The following LSAMP variants were observed in gnomAD, a reference collection of about 807,000 sequenced individuals.
LSAMP encodes the protein limbic system associated membrane protein, also known as limbic system-associated membrane protein.
A neutral mutation model predicts 38.6 loss-of-function variants in LSAMP; 7 were observed. The observed-to-expected ratio is 0.18, with a 90% CI of 0.10 to 0.34. The LOEUF is 0.34. Ranked by LOEUF, LSAMP falls within the 10% of genes least tolerant of loss-of-function variation. The pLI, the probability that LSAMP is intolerant of heterozygous loss-of-function variation, is 1.00. For synonymous variants in LSAMP, 154 were observed against 166.8 expected (o/e 0.92, Z 0.59); for missense variants, 313 against 420.0 (o/e 0.75, Z 2.23).
chr3:116,325,966 A>G (rs1262895428), intron 1 of LSAMP, among the ~76,000 whole-genome samples: 1 of 152,134 alleles, frequency 6.6e-6, no homozygotes, highest in Non-Finnish European at 1.5e-5. Context: ...TTTTTTCCCC[A>G]TGGTTCTCTT....
intron 1 of LSAMP, among the ~76,000 whole-genome samples, chr3:116,168,873 A>G (rs1164071342): frequency 6.6e-6 from 1 of 152,098 alleles, no homozygotes; most frequent in Non-Finnish European, 1.5e-5. Flanking sequence ...CTATCTTACC[A>G]TTGTCCTTTT....
intron 3 of LSAMP, among the ~76,000 whole-genome samples, chr3:115,981,997 C>T (rs1247320305): frequency 6.6e-6 from 1 of 152,184 alleles, no homozygotes; most frequent in Non-Finnish European, 1.5e-5. Context: ...AAAGTGCACC[C>T]ATCTTAATCT....
At chr3:116,180,653 T>G (rs964636025) in intron 1 of LSAMP, among the ~76,000 whole-genome samples, 2 of 152,166 alleles carry the variant, frequency 1.3e-5, no homozygotes, top group African/African-American at 4.8e-5. Context: ...ACCAATAGTT[T>G]TATAGGCTAA....
chr3:115,947,213 A>G (rs1384926525), intron 3 of LSAMP, among the ~76,000 whole-genome samples: 3 of 152,186 alleles, frequency 2.0e-5, no homozygotes, highest in African/African-American at 7.2e-5. Flanking sequence ...TGAAGTATTG[A>G]AAGTTTTCCC....
intron 2 of LSAMP, among the ~76,000 whole-genome samples, chr3:116,042,698 G>C (rs1941202150): frequency 6.6e-6 from 1 of 152,154 alleles, no homozygotes; most frequent in South Asian, 2.1e-4. Flanking sequence ...AAAGTGCTGG[G>C]ATTACAGGTG....
At chr3:116,176,772 A>G (rs1287005736) in intron 1 of LSAMP, among the ~76,000 whole-genome samples, 1 of 152,176 alleles carries the variant, frequency 6.6e-6, no homozygotes, top group South Asian at 2.1e-4. Flanking sequence ...TGTGATTATC[A>G]TATCAATAGG....
intron 1 of LSAMP, among the ~76,000 whole-genome samples, chr3:116,295,000 T>TA (rs777853092): frequency 6.6e-4 from 100 of 152,208 alleles, no homozygotes; most frequent in Middle Eastern, 3.4e-3. Flanking sequence ...GAGCAGGAAA[T>TA]AAAAAACTAA....
At chr3:116,354,719 A>G (rs992999113) in intron 1 of LSAMP, among the ~76,000 whole-genome samples, 1 of 152,206 alleles carries the variant, frequency 6.6e-6, no homozygotes, top group African/African-American at 2.4e-5. Flanking sequence ...AAAGGAAGTA[A>G]TAGGACCAGG....
chr3:116,007,401 GT>G (rs1940193515), intron 3 of LSAMP, among the ~76,000 whole-genome samples: 1 of 152,156 alleles, frequency 6.6e-6, no homozygotes. Context: ...ACCTATTGAG[GT>G]TCCTCTTTTT....
intron 3 of LSAMP, among the ~76,000 whole-genome samples, chr3:115,941,730 A>G (rs980841973): frequency 7.2e-5 from 11 of 152,204 alleles, no homozygotes; most frequent in Non-Finnish European, 1.6e-4. Flanking sequence ...TCTCACTTAC[A>G]TGTGGAATCT....
intron 4 of LSAMP, among the ~76,000 whole-genome samples, chr3:115,849,409 A>G (rs1262756768): frequency 5.3e-5 from 8 of 152,186 alleles, no homozygotes; most frequent in Non-Finnish European, 2.9e-5. Flanking sequence ...GCCCTGCAAC[A>G]AACATCTGTT....
intron 3 of LSAMP, among the ~76,000 whole-genome samples, chr3:115,862,722 T>C (rs576828178): frequency 6.6e-6 from 1 of 152,304 alleles, no homozygotes; most frequent in South Asian, 2.1e-4. Context: ...GGTCCAGCCA[T>C]TGGCTTCTTC....
At chr3:115,918,291 T>A (rs1275013895) in intron 3 of LSAMP, among the ~76,000 whole-genome samples, 2 of 152,174 alleles carry the variant, frequency 1.3e-5, no homozygotes, top group Admixed American at 1.3e-4. Flanking sequence ...TTGGCCTGGA[T>A]AAAAAATAGC....
chr3:116,423,231 CT>C (rs1403912619), intron 1 of LSAMP, among the ~76,000 whole-genome samples: 1 of 152,076 alleles, frequency 6.6e-6, no homozygotes, highest in Non-Finnish European at 1.5e-5. Flanking sequence ...GGAAAAAAAA[CT>C]TGCAACAGAA....
At chr3:115,833,359 GT>G (rs59072688) in intron 6 of LSAMP, among the ~76,000 whole-genome samples, 3,460 of 128,084 alleles carry the variant, frequency 0.027, 121 homozygotes, top group African/African-American at 0.087. Flanking sequence ...TTTTAGGGAA[GT>G]TTTTTTTTTT....
At chr3:116,284,796 A>G (rs77445365) in intron 1 of LSAMP, among the ~76,000 whole-genome samples, 5,585 of 152,324 alleles carry the variant, frequency 0.037, 134 homozygotes, top group Middle Eastern at 0.068. Flanking sequence ...AAAATGACCA[A>G]TTCCATCTGA....
intron 1 of LSAMP, among the ~76,000 whole-genome samples, chr3:116,291,126 C>G (rs1053495166): frequency 1.3e-5 from 2 of 152,182 alleles, no homozygotes; most frequent in Non-Finnish European, 2.9e-5. Flanking sequence ...TCTTTGTCTC[C>G]TTACCCCAAT....
intron 3 of LSAMP, among the ~76,000 whole-genome samples, chr3:115,951,232 C>G (rs144841802): frequency 6.6e-6 from 1 of 152,040 alleles, no homozygotes; most frequent in African/African-American, 2.4e-5. Context: ...TCATAACCAA[C>G]ACTACAAAGG....
chr3:116,163,612 A>G (rs541025973), intron 1 of LSAMP, among the ~76,000 whole-genome samples: 217 of 152,228 alleles, frequency 1.4e-3, no homozygotes, highest in African/African-American at 4.8e-3. Flanking sequence ...TGGCTGGGTC[A>G]AATGGTATTT....
Sources: allele counts gnomAD v4.1 joint callset (sites outside exome capture counted in the v4.1 genomes callset), GRCh38; gene constraint gnomAD v4.1.1; transcripts MANE v1.5; gene names NCBI Gene and HGNC (gene_info 2026-07-23, HGNC 2026-07-21).